Variants in ADAM9 observed in about 807,000 individuals in gnomAD.
ADAM9 encodes the protein ADAM metallopeptidase domain 9.
A neutral mutation model predicts 108.1 loss-of-function variants in ADAM9; 54 were observed. The ratio of observed to expected loss-of-function variants is 0.50; its 90% CI spans 0.40 to 0.63. ADAM9 has a LOEUF of 0.63. Among genes scored for constraint, ADAM9 ranks in the 20% least tolerant of loss-of-function variants. The pLI is 0.00. For missense variants in ADAM9, 830 were observed against 997.7 expected (o/e 0.83, Z 2.26); for synonymous variants, 316 against 336.0 (o/e 0.94, Z 0.65).
In ADAM9 at chr8:39,007,860, T is replaced by G. The variant is rs749324847; in HGVS notation, c.98-26T>G. The G allele has an allele frequency of 1.3e-5, 20 of 1,498,886 alleles. No individual in the cohort carries two copies. The African/African-American group carries it at 2.6e-4, about 20-fold the overall frequency. The allele number at this position is 1,498,886 out of a possible 1,614,324, so 92.8% of individuals were successfully genotyped here. The stretch of plus-strand genomic sequence containing the variant: ...CACGTAGTTTTTCAGTTTCACTTAT[T>G]ATATTTGTTTTTGCCTTTTCTGTAG... On this transcript the variant is annotated intron_variant, in intron 1 of 21. Coordinates refer to ENST00000487273, the MANE Select transcript of ADAM9 (RefSeq NM_003816.3).
At chr8:39,004,200 C>T (rs1836089828) in intron 1 of ADAM9, among the ~76,000 whole-genome samples, 2 of 152,000 alleles carry the variant, frequency 1.3e-5, no homozygotes, top group African/African-American at 4.8e-5. Context: ...TTGTCTGTGT[C>T]TATCAGCATA....
intron 12 of ADAM9, among the ~76,000 whole-genome samples, chr8:39,044,212 T>C (rs1837540344): frequency 6.6e-6 from 1 of 152,234 alleles, no homozygotes; most frequent in African/African-American, 2.4e-5. Context: ...CTAAGAGTTT[T>C]ACTGTTTCAG....
intron 21 of ADAM9, among the ~76,000 whole-genome samples, chr8:39,103,167 G>A (rs1245089803): frequency 1.3e-5 from 2 of 152,130 alleles, no homozygotes; most frequent in Non-Finnish European, 2.9e-5. Flanking sequence ...AGGTATAGAA[G>A]TCATAACACT....
At chr8:39,024,470 A>G (rs1836857819) in intron 9 of ADAM9, among the ~76,000 whole-genome samples, 1 of 152,120 alleles carries the variant, frequency 6.6e-6, no homozygotes, top group Non-Finnish European at 1.5e-5. Flanking sequence ...GTTTGTTTAC[A>G]GTTGAGAATG....
chr8:39,043,221 T>C (rs547175666), intron 12 of ADAM9, among the ~76,000 whole-genome samples: 47 of 152,332 alleles, frequency 3.1e-4, no homozygotes, highest in African/African-American at 1.1e-3. Context: ...CTACTGTGAA[T>C]AATGCTGCAG....
At chr8:39,054,198 A>G (rs1415010939) in intron 12 of ADAM9, among the ~76,000 whole-genome samples, 3 of 152,202 alleles carry the variant, frequency 2.0e-5, no homozygotes, top group Non-Finnish European at 4.4e-5. Context: ...CTGTGAGAAA[A>G]TAAATTTCTG....
intron 1 of ADAM9, among the ~76,000 whole-genome samples, chr8:38,997,717 G>T (rs1030541837): frequency 2.6e-5 from 4 of 152,220 alleles, no homozygotes; most frequent in African/African-American, 9.7e-5. Context: ...TGGGTGGGAG[G>T]ACGCTCATTT....
chr8:39,098,515 C>T (rs1839580837), intron 20 of ADAM9, among the ~76,000 whole-genome samples: 1 of 152,204 alleles, frequency 6.6e-6, no homozygotes, highest in Admixed American at 6.5e-5. Flanking sequence ...CTCTACTAAA[C>T]TATGCCAAAT....
Position 39,031,054 on chromosome 8 carries a change from T to C in ADAM9, c.1130+4244T>C, listed in dbSNP as rs1356158324. On this transcript the variant is annotated intron_variant, in intron 11 of 21. Transcript: ENST00000487273. ...TTATCTTCTCATTCTTTTAATATTGTCTTTCACAGAGCATACATTTAATAT... is the reference window on the plus strand; with the variant it reads ...TTATCTTCTCATTCTTTTAATATTGCCTTTCACAGAGCATACATTTAATAT... Among the ~76,000 whole-genome samples the C allele has an allele frequency of 2.6e-5, 4 of 152,254 alleles. No individual in the cohort carries two copies. In the East Asian group the frequency reaches 7.7e-4, roughly 29 times the overall value.
intron 9 of ADAM9, 79 bp downstream of exon 9, chr8:39,023,404 T>C: frequency 7.0e-7 from 1 of 1,425,984 alleles, no homozygotes. Flanking sequence ...ATTAGAATTA[T>C]ATTCTCTTGA....
chr8:39,083,004 G>A lies in ADAM9; in HGVS notation c.1999G>A (p.Gly667Ser). 2 of 1,613,890 alleles carry A rather than the reference G, an allele frequency of 1.2e-6. No individual in the cohort carries two copies. The highest frequency in any genetic ancestry group is 1.7e-6 in the Non-Finnish European group (2 of 1,179,836). The change falls in exon 18 of 22, where the codon GGC becomes AGC. Residue 667 changes from glycine to serine, a missense_variant. Transcript: ENST00000487273. ...CAATAAGAATTGTCACTGTGAAAAT[G>A]GCTGGGCTCCCCCAAATTGTGAGAC... Reference protein sequence around the residue: ...NSNKNCHCENGWAPPNCETKG... With the variant: ...NSNKNCHCENSWAPPNCETKG...
intron 4 of ADAM9, chr8:39,015,619 A>G (rs192524474): frequency 1.3e-5 from 2 of 155,038 alleles, no homozygotes; most frequent in African/African-American, 4.8e-5. Flanking sequence ...TATTATAATG[A>G]CATATACTTT....
intron 15 of ADAM9, among the ~76,000 whole-genome samples, chr8:39,074,546 G>A (rs2129441699): frequency 6.6e-6 from 1 of 151,578 alleles, no homozygotes; most frequent in Admixed American, 6.6e-5. Context: ...AACAAATAAG[G>A]CCATTCACAT....
chr8:39,011,785 T>G, intron 3 of ADAM9, 69 bp downstream of exon 3: 1 of 1,408,004 alleles, frequency 7.1e-7, no homozygotes, highest in Non-Finnish European at 1.0e-6. Flanking sequence ...TTCTTTCTAG[T>G]TTGATATGGT....
Position 39,103,807 on chromosome 8 carries a change from A to C in ADAM9, c.*107A>C, listed in dbSNP as rs1249521168. The C allele has an allele frequency of 1.0e-6, 1 of 966,478 alleles. No individual in the cohort carries two copies. The highest frequency in any genetic ancestry group is 1.6e-6 in the Non-Finnish European group (1 of 613,592). The allele number at this position is 966,478 out of a possible 1,614,324, so 59.9% of individuals were successfully genotyped here. ...CTTTCTGTTGCAACTATGAATGAAA[A>C]CAAAACACCACAAAACAGACTTCAC... On this transcript the variant is annotated 3_prime_UTR_variant, in exon 22 of 22. Transcript: ENST00000487273.
At position 39,018,938 on chromosome 8, in the gene ADAM9, T is replaced by G. The variant is rs761272931; in HGVS notation, c.672+20T>G. The G allele has an allele frequency of 6.8e-6, 11 of 1,611,242 alleles. No individual in the cohort carries two copies. The East Asian group carries it at 2.5e-4, about 36-fold the overall frequency. On this transcript the variant is annotated intron_variant, in intron 7 of 21. Coordinates refer to ENST00000487273, the MANE Select transcript of ADAM9 (RefSeq NM_003816.3). ...GAAAGGGTAAGATTGGTGACAATTT[T>G]TCTTCTTTTCCATGAAAAGGATATG...
At chr8:39,005,453 A>G (rs1056010789) in intron 1 of ADAM9, among the ~76,000 whole-genome samples, 5 of 152,226 alleles carry the variant, frequency 3.3e-5, no homozygotes, top group Non-Finnish European at 7.3e-5. Context: ...AAATTATTCC[A>G]AGTAAACTAA....
In ADAM9 at chr8:39,054,649, T is replaced by A; in HGVS notation, c.1395+76T>A. On this transcript the variant is annotated intron_variant, in intron 13 of 21. Coordinates refer to ENST00000487273, the MANE Select transcript of ADAM9 (RefSeq NM_003816.3). ...AAAACCTGTGTATATCAAAATTTGTTTTTTGAGATTTCTGAGTCAGCACTA... is the reference window on the plus strand; with the variant it reads ...AAAACCTGTGTATATCAAAATTTGTATTTTGAGATTTCTGAGTCAGCACTA... The A allele has an allele frequency of 5.3e-6, 7 of 1,316,218 alleles. No homozygotes were observed. The South Asian group carries it at 7.9e-5, about 15-fold the overall frequency. 81.5% of individuals were successfully genotyped at this position (1,316,218 alleles called of 1,614,324 possible).
At chr8:39,002,402 T>A (rs1836026208) in intron 1 of ADAM9, among the ~76,000 whole-genome samples, 1 of 130,530 alleles carries the variant, frequency 7.7e-6, no homozygotes, top group Non-Finnish European at 1.6e-5. Context: ...CACTGCAACC[T>A]CCACCTCCCA....
Sources: allele counts gnomAD v4.1 joint callset (sites outside exome capture counted in the v4.1 genomes callset), GRCh38; gene constraint gnomAD v4.1.1; transcripts MANE v1.5; gene names NCBI Gene and HGNC (gene_info 2026-07-23, HGNC 2026-07-21).